The following RGS6 variants were observed in gnomAD, a reference collection of about 807,000 sequenced individuals.
The protein encoded by RGS6 is regulator of G-protein signaling 6.
RGS6 carries 30 observed loss-of-function variants against 78.5 expected under a neutral mutation model. That is an observed-to-expected ratio of 0.38 (90% CI 0.29 to 0.52). The LOEUF is 0.52. Ranked by LOEUF, RGS6 falls within the 20% of genes least tolerant of loss-of-function variation. The pLI, the probability that RGS6 is intolerant of heterozygous loss-of-function variation, is 0.85. For synonymous variants in RGS6, 206 were observed against 206.0 expected (o/e 1.00, Z 0.00); for missense variants, 495 against 609.7 (o/e 0.81, Z 1.98).
the RGS6 span, among the ~76,000 whole-genome samples, chr14:72,574,468 G>T: frequency 6.6e-6 from 1 of 152,184 alleles, no homozygotes; most frequent in Non-Finnish European, 1.5e-5. Context: ...GTGAGGCCGG[G>T]CTGCCCTGAT....
intron 2 of RGS6, among the ~76,000 whole-genome samples, chr14:72,234,938 C>T (rs1426078960): frequency 6.6e-6 from 1 of 152,170 alleles, no homozygotes; most frequent in African/African-American, 2.4e-5. Flanking sequence ...AGAGGAGAGG[C>T]ACCATATTGT....
At chr14:72,046,381 A>T (rs1187838878) in intron 2 of RGS6, among the ~76,000 whole-genome samples, 1 of 152,114 alleles carries the variant, frequency 6.6e-6, no homozygotes, top group African/African-American at 2.4e-5. Context: ...TTATTTCTAA[A>T]ATTAATTCTC....
chr14:72,334,587 G>T (rs2075689960), intron 2 of RGS6, among the ~76,000 whole-genome samples: 2 of 152,224 alleles, frequency 1.3e-5, no homozygotes, highest in African/African-American at 4.8e-5. Flanking sequence ...GGAGATGAGG[G>T]ATGTCCGCCT....
intron 2 of RGS6, among the ~76,000 whole-genome samples, chr14:71,997,159 A>G (rs1278038804): frequency 2.0e-5 from 3 of 152,170 alleles, no homozygotes; most frequent in African/African-American, 7.2e-5. Context: ...GGGATGTAGA[A>G]TTGTCAGAAC....
chr14:72,149,459 C>T (rs1013431761), intron 2 of RGS6, among the ~76,000 whole-genome samples: 13 of 152,120 alleles, frequency 8.5e-5, no homozygotes, highest in African/African-American at 1.2e-4. Flanking sequence ...CAGGTTGAAA[C>T]GGGAAGGTAG....
At chr14:72,222,028 G>A (rs2046990670) in intron 2 of RGS6, among the ~76,000 whole-genome samples, 1 of 152,222 alleles carries the variant, frequency 6.6e-6, no homozygotes, top group Non-Finnish European at 1.5e-5. Flanking sequence ...CATGGTCACT[G>A]AACAATCTGC....
At chr14:72,288,330 A>G (rs1324635665) in intron 2 of RGS6, among the ~76,000 whole-genome samples, 1 of 152,220 alleles carries the variant, frequency 6.6e-6, no homozygotes, top group Admixed American at 6.5e-5. Context: ...GGCTTCTGGA[A>G]TATCACCATA....
chr14:72,309,938 A>G (rs749470848), intron 2 of RGS6, among the ~76,000 whole-genome samples: 8 of 152,206 alleles, frequency 5.3e-5, no homozygotes, highest in Non-Finnish European at 1.2e-4. Flanking sequence ...GGCACTATCC[A>G]CATCTCTTTC....
chr14:72,317,371 T>C (rs1169751815), intron 2 of RGS6, among the ~76,000 whole-genome samples: 2 of 152,224 alleles, frequency 1.3e-5, no homozygotes, highest in African/African-American at 4.8e-5. Flanking sequence ...TTATGGTCCC[T>C]TTTTAATCTC....
chr14:72,215,771 T>A (rs889651688), intron 2 of RGS6, among the ~76,000 whole-genome samples: 4 of 152,240 alleles, frequency 2.6e-5, no homozygotes, highest in African/African-American at 7.2e-5. Flanking sequence ...AGTGTAAGCA[T>A]GCCAGGGCAA....
intron 2 of RGS6, among the ~76,000 whole-genome samples, chr14:72,251,500 T>A (rs1163553486): frequency 3.3e-5 from 5 of 152,202 alleles, no homozygotes; most frequent in African/African-American, 9.7e-5. Context: ...TATTCCAATT[T>A]CTTTCAATTC....
At chr14:72,104,075 G>A (rs2095581752) in intron 2 of RGS6, among the ~76,000 whole-genome samples, 1 of 152,074 alleles carries the variant, frequency 6.6e-6, no homozygotes, top group Non-Finnish European at 1.5e-5. Flanking sequence ...TTAATCTTTT[G>A]TTTTGTTTTT....
intron 3 of RGS6, among the ~76,000 whole-genome samples, chr14:72,407,989 C>A (rs1232509258): frequency 1.3e-5 from 2 of 152,196 alleles, no homozygotes; most frequent in African/African-American, 4.8e-5. Flanking sequence ...GCGGCCTTCC[C>A]CTCTGCTCCA....
downstream of RGS6, among the ~76,000 whole-genome samples, chr14:72,567,878 G>A (rs959174270): frequency 1.2e-4 from 19 of 152,186 alleles, no homozygotes; most frequent in Non-Finnish European, 1.0e-4. Flanking sequence ...TGGGACTTCC[G>A]ACACCTGCAG....
At chr14:72,518,826 T>G (rs1461847920) in intron 15 of RGS6, among the ~76,000 whole-genome samples, 59 of 152,322 alleles carry the variant, frequency 3.9e-4, no homozygotes, top group Middle Eastern at 3.4e-3. Flanking sequence ...AATAAGTCAG[T>G]GATAGAATCT....
chr14:72,538,293 G>A (rs1475530010), intron 16 of RGS6, among the ~76,000 whole-genome samples: 1 of 152,234 alleles, frequency 6.6e-6, no homozygotes, highest in African/African-American at 2.4e-5. Context: ...ATATGAATCA[G>A]CCTCACTTTT....
intron 2 of RGS6, among the ~76,000 whole-genome samples, chr14:71,984,323 C>CTA (rs61092906): frequency 8.3e-6 from 1 of 120,416 alleles, no homozygotes; most frequent in East Asian, 2.4e-4. Context: ...AAAAAAAAAA[C>CTA]AAAGCTGTTA....
chr14:72,287,994 C>G (rs1001102263), intron 2 of RGS6, among the ~76,000 whole-genome samples: 2 of 152,292 alleles, frequency 1.3e-5, no homozygotes, highest in Non-Finnish European at 2.9e-5. Context: ...ATTCTGTTTT[C>G]TAGATAGGTG....
chr14:72,452,009 A>C (rs1263368492), intron 3 of RGS6, among the ~76,000 whole-genome samples: 1 of 152,164 alleles, frequency 6.6e-6, no homozygotes, highest in Non-Finnish European at 1.5e-5. Context: ...CTCGGTCTCC[A>C]AAAGTGTTGG....
Sources: allele counts gnomAD v4.1 joint callset (sites outside exome capture counted in the v4.1 genomes callset), GRCh38; gene constraint gnomAD v4.1.1; transcripts MANE v1.5; gene names NCBI Gene and HGNC (gene_info 2026-07-23, HGNC 2026-07-21).